The following TMEM222 variants were observed in gnomAD, a reference collection of about 807,000 sequenced individuals.
TMEM222 encodes the protein chromosome 1 open reading frame 160.
Under a neutral mutation model 25.1 loss-of-function variants are expected in TMEM222, and 18 were observed. That is an observed-to-expected ratio of 0.72 (90% CI 0.50 to 1.06). The LOEUF (loss-of-function observed/expected upper bound fraction) is 1.06, where lower values mean the gene tolerates loss of function less well. TMEM222 is among the 50% of genes least tolerant of loss of function. The pLI, the probability that TMEM222 is intolerant of heterozygous loss-of-function variation, is 0.00. For missense variants in TMEM222, 296 were observed against 293.7 expected (o/e 1.01, Z -0.06); for synonymous variants, 131 against 117.9 (o/e 1.11, Z -0.72).
chr1:27,331,855 T>A (rs745438600), intron 2 of TMEM222, among the ~76,000 whole-genome samples: 2 of 152,270 alleles, frequency 1.3e-5, no homozygotes, highest in Non-Finnish European at 2.9e-5. Context: ...GATGCAGTGC[T>A]CTGTGCACTT....
In TMEM222 at chr1:27,335,978, C is replaced by A. The variant is rs934764390; in HGVS notation, c.*512C>A. 6.4e-6 allele frequency: 1 copy of A among 157,310 alleles called. No homozygotes were observed. The highest frequency in any genetic ancestry group is 1.4e-5 in the Non-Finnish European group (1 of 70,932). 9.7% of individuals were successfully genotyped at this position (157,310 alleles called of 1,614,324 possible). ...GGGCTGGCTGGGTCCCTTTGTCAGA[C>A]TCCTGCCGGCAGCTGCCCTGGGGGA... On this transcript the variant is annotated 3_prime_UTR_variant, in exon 6 of 6. Coordinates refer to ENST00000374076, the MANE Select transcript of TMEM222 (RefSeq NM_032125.3).
In TMEM222 at chr1:27,335,386, G is replaced by A. The variant is rs769705460; in HGVS notation, c.547G>A (p.Ala183Thr). ...LLYGKYVSVG[A>T]FVKTWLPFIL... ...CTCCTTTCTCTCTGTCAGCGTTGGG[G>A]CCTTCGTGAAGACCTGGCTGCCCTT... Residue 183 changes from alanine to threonine, a missense_variant, in exon 6 of 6, where the codon GCC becomes ACC. By Grantham distance (58) the Ala-to-Thr change is moderately conservative (BLOSUM62 0). Coordinates refer to ENST00000374076, the MANE Select transcript of TMEM222 (RefSeq NM_032125.3). 2.5e-6 allele frequency: 4 copies of A among 1,614,186 alleles called. No individual in the cohort carries two copies. In the East Asian group the frequency reaches 6.7e-5, roughly 27 times the overall value.
intron 3 of TMEM222, chr1:27,332,367 GAGGAA>G: frequency 1.4e-6 from 1 of 717,078 alleles, no homozygotes. Flanking sequence ...TGGCAAGGGT[GAGGAA>G]AGGGAAGGGA....
Position 27,334,276 on chromosome 1 carries a change from C to T in TMEM222, c.534C>T (p.Tyr178=), listed in dbSNP as rs765061038. The change falls in exon 5 of 6, where the codon TAC becomes TAT. Residue 178 remains tyrosine (Y), a synonymous_variant. Coordinates refer to ENST00000374076, the MANE Select transcript of TMEM222 (RefSeq NM_032125.3). ...LCFFCLLYGK[Y]VSVGAFVKTW... is the part of the protein sequence containing the mutation. ...TCTTCTGCCTGCTCTACGGGAAGTA[C>T]GTCAGGTGAGCTGCCCTCCTGCCTG... 22 of 1,614,056 alleles carry T rather than the reference C, an allele frequency of 1.4e-5. No homozygotes were observed. Among genetic ancestry groups the T allele is most frequent in the East Asian group, 2.2e-5 (1 of 44,904 alleles).
intron 1 of TMEM222, 46 bp downstream of exon 1, chr1:27,322,437 A>C: frequency 7.5e-7 from 1 of 1,327,024 alleles, no homozygotes; most frequent in Non-Finnish European, 9.7e-7. Context: ...GGGCCCAGGG[A>C]GAGCCGGAGT....
At chr1:27,331,273 C>T (rs2014472378) in intron 2 of TMEM222, 1 of 539,174 alleles carries the variant, frequency 1.9e-6, no homozygotes, top group African/African-American at 2.0e-5. Flanking sequence ...CAAGACTGGT[C>T]CAGTGGGCTA....
chr1:27,322,813 G>A (rs1015765245), intron 1 of TMEM222, among the ~76,000 whole-genome samples: 1 of 152,104 alleles, frequency 6.6e-6, no homozygotes, highest in African/African-American at 2.4e-5. Context: ...AGTTTGGTTG[G>A]GACCACACGA....
intron 1 of TMEM222, among the ~76,000 whole-genome samples, chr1:27,329,871 G>A (rs2014438074): frequency 6.6e-6 from 1 of 152,152 alleles, no homozygotes; most frequent in African/African-American, 2.4e-5. Context: ...GGAGGCCGAG[G>A]CAGGCAGATG....
rs950415573 is a variant in TMEM222 at position 27,322,531 on chromosome 1, C to T, written c.194+140C>T. The T allele has an allele frequency of 3.9e-6, 3 of 778,404 alleles. No homozygotes were observed. In the African/African-American group the frequency reaches 5.4e-5, roughly 14 times the overall value. 48.2% of individuals were successfully genotyped at this position (778,404 alleles called of 1,614,324 possible). On this transcript the variant is annotated intron_variant, in intron 1 of 5. Coordinates refer to ENST00000374076, the MANE Select transcript of TMEM222 (RefSeq NM_032125.3). Reference sequence around the variant, plus strand: ...GCACGCCTCGCCCAGTCACCAGAACCCCGCCATCCATGTAGTGCCAGTTTG... The same window carrying T: ...GCACGCCTCGCCCAGTCACCAGAACTCCGCCATCCATGTAGTGCCAGTTTG...
intron 1 of TMEM222, chr1:27,325,856 G>T: frequency 1.3e-6 from 1 of 780,144 alleles, no homozygotes. Flanking sequence ...GTATAAATTG[G>T]CCCTGGCAAA....
At position 27,322,453 on chromosome 1, in the gene TMEM222, C is replaced by T. The variant is rs1255651602; in HGVS notation, c.194+62C>T. 8.4e-6 allele frequency: 11 copies of T among 1,309,560 alleles called. No individual in the cohort carries two copies. In the African/African-American group the frequency reaches 9.2e-5, roughly 11 times the overall value. 81.1% of individuals were successfully genotyped at this position (1,309,560 alleles called of 1,614,324 possible). A position where few individuals can be genotyped will look rare whatever the true frequency, so the allele number is the denominator to read the frequency against. On this transcript the variant is annotated intron_variant, in intron 1 of 5. Transcript: ENST00000374076. ...GGCCCAGGGAGAGCCGGAGTCGGGC[C>T]GGGCTAGCCTCCGGCCCCAACGCGC...
At position 27,332,090 on chromosome 1, in the gene TMEM222, A is replaced by G. The variant is rs2014492757; in HGVS notation, c.300A>G (p.Gly100=). The G allele has an allele frequency of 1.9e-6, 3 of 1,614,238 alleles. No individual in the cohort carries two copies. The highest frequency in any genetic ancestry group is 2.5e-6 in the Non-Finnish European group (3 of 1,180,032). Residue 100 remains glycine (G), a synonymous_variant, in exon 3 of 6, where the codon GGA becomes GGG. Transcript: ENST00000374076. ...YFVSEDNMAF[G]KPAKYWKLDP... ...AACAGGAGGACAACATGGCCTTTGGAAAGCCTGCCAAGTAAGTGATGAACA... is the reference window on the plus strand; with the variant it reads ...AACAGGAGGACAACATGGCCTTTGGGAAGCCTGCCAAGTAAGTGATGAACA...
At chr1:27,332,257 C>A in intron 3 of TMEM222, 156 bp downstream of exon 3, 1 of 831,694 alleles carries the variant, frequency 1.2e-6, no homozygotes, top group Non-Finnish European at 2.0e-6. Context: ...GCATGGCAAC[C>A]CCATACAGAG....
intron 5 of TMEM222, chr1:27,334,731 G>A (rs1284747083): frequency 7.8e-7 from 1 of 1,284,098 alleles, no homozygotes; most frequent in Admixed American, 3.0e-5. Context: ...ACACAGCAGA[G>A]CCCAGACTCG....
chr1:27,322,717 C>T (rs557627853), intron 1 of TMEM222, among the ~76,000 whole-genome samples: 1 of 152,294 alleles, frequency 6.6e-6, no homozygotes, highest in East Asian at 1.9e-4. Flanking sequence ...TTTATTAATT[C>T]ACTGGTTTAT....
chr1:27,333,796 G>A (rs939654747), intron 3 of TMEM222, 162 bp from the exon 4 acceptor site: 9 of 625,358 alleles, frequency 1.4e-5, no homozygotes, highest in Non-Finnish European at 2.0e-5. Flanking sequence ...ACCTCACCCT[G>A]TGTCACAGTT....
intron 5 of TMEM222, chr1:27,334,759 G>T (rs1312585682): frequency 2.5e-6 from 3 of 1,192,330 alleles, no homozygotes; most frequent in Non-Finnish European, 3.2e-6. Context: ...GCATAGGTTA[G>T]TGCTGATCTG....
Position 27,333,956 on chromosome 1 carries a change from A to T in TMEM222, c.312-2A>T. On this transcript the variant is annotated splice_acceptor_variant, in intron 3 of 5. Transcript: ENST00000374076. LOFTEE classifies it high-confidence loss of function. ...GTGTCCAGAGCCCTTCTCTCCCCCC[A>T]GGTACTGGAAGTTGGACCCTGCTCA... The T allele has an allele frequency of 6.2e-7, 1 of 1,613,318 alleles. No individual in the cohort carries two copies. The highest frequency in any genetic ancestry group is 8.5e-7 in the Non-Finnish European group (1 of 1,179,504).
intron 2 of TMEM222, chr1:27,331,287 G>A: frequency 2.2e-6 from 1 of 449,846 alleles, no homozygotes; most frequent in Non-Finnish European, 3.0e-6. Context: ...TGGGCTAGCA[G>A]CAGAGGAGCA....
Sources: allele counts gnomAD v4.1 joint callset (sites outside exome capture counted in the v4.1 genomes callset), GRCh38; gene constraint gnomAD v4.1.1; transcripts MANE v1.5; gene names NCBI Gene and HGNC (gene_info 2026-07-23, HGNC 2026-07-21).